The following AQR variants were observed in gnomAD, a reference collection of about 807,000 sequenced individuals.
AQR encodes RNA helicase aquarius.
A neutral mutation model predicts 180.5 loss-of-function variants in AQR; 61 were observed. That is an observed-to-expected ratio of 0.34 (90% CI 0.28 to 0.42). AQR has a LOEUF of 0.42. Among genes scored for constraint, AQR ranks in the 10% least tolerant of loss-of-function variants. AQR has a pLI of 1.00. For synonymous variants in AQR, 551 were observed against 588.8 expected, an observed-to-expected ratio of 0.94 and a Z score of 0.93; for missense variants, 1,281 against 1,798.3, an observed-to-expected ratio of 0.71 and a Z score of 5.20.
chr15:34,953,653 G>C (rs11073076), intron 3 of AQR, among the ~76,000 whole-genome samples: 100,900 of 152,122 alleles, frequency 0.66, 34,941 homozygotes, highest in South Asian at 0.78. Flanking sequence ...GCTTCTACAG[G>C]CAGCCAAGAT....
rs758868644 is a variant in AQR at position 34,948,402 on chromosome 15, C to T, written c.210-18G>A. ...GATACTGGCTGTAAAGAGTAAAAAG[C>T]ATAGAATACTTCATTAGTTACCACC... On this transcript the variant is annotated intron_variant, in intron 4 of 34. Coordinates refer to ENST00000156471, the MANE Select transcript of AQR (RefSeq NM_014691.3). 2.5e-6 allele frequency: 4 copies of T among 1,608,742 alleles called. 1 individual carries two copies. The South Asian group carries it at 4.4e-5, about 18-fold the overall frequency.
chr15:34,897,206 T>G (rs913030650), intron 21 of AQR, among the ~76,000 whole-genome samples: 5 of 152,190 alleles, frequency 3.3e-5, no homozygotes, highest in Non-Finnish European at 7.3e-5. Context: ...AGTTCTAGTT[T>G]CCATTCTAAT....
intron 3 of AQR, among the ~76,000 whole-genome samples, chr15:34,956,696 G>GAAAAAAAAAAAAAAAAAAAAAAAAAAAAA (rs565202160): frequency 1.2e-5 from 1 of 83,370 alleles, no homozygotes; most frequent in Non-Finnish European, 2.2e-5. Context: ...TAAGAAGTCA[G>GAAAAAAAAAAAAAAAAAAAAAAAAAAAAA]AAAAAAAAAA....
intron 29 of AQR, chr15:34,874,286 G>C (rs1410517624): frequency 3.1e-6 from 1 of 319,244 alleles, no homozygotes; most frequent in African/African-American, 2.2e-5. Flanking sequence ...TAAAAATTGA[G>C]GACATTTGGG....
intron 3 of AQR, among the ~76,000 whole-genome samples, chr15:34,954,900 ACTGC>A (rs558808457): frequency 1.6e-3 from 236 of 152,220 alleles, no homozygotes; most frequent in African/African-American, 5.5e-3. Flanking sequence ...AGGAGGGTGG[ACTGC>A]CTGAGCTCAG....
At position 34,874,790 on chromosome 15, in the gene AQR, A is replaced by G; in HGVS notation, c.3312T>C (p.Ile1104=). ...AGTACTTTTGAAAGGCCATGTTCTT[A>G]ATAACTGGAGGTAACTGGTGATGAT... The part of the protein sequence containing the change: ...IGDHHQLPPV[I]KNMAFQKYSN... Residue 1104 remains isoleucine, a synonymous_variant, in exon 29 of 35, where the codon ATT becomes ATC. Transcript: ENST00000156471. 1 of 1,613,944 alleles carries G rather than the reference A, an allele frequency of 6.2e-7. No individual in the cohort carries two copies. Among genetic ancestry groups the G allele is most frequent in the Non-Finnish European group, 8.5e-7 (1 of 1,179,842 alleles).
At chr15:34,946,423 A>AAGT in intron 5 of AQR, among the ~76,000 whole-genome samples, 1 of 82,998 alleles carries the variant, frequency 1.2e-5, no homozygotes, top group African/African-American at 3.4e-5. Context: ...CCCGTCCGGG[A>AAGT]GGGAGGTGGG....
intron 24 of AQR, among the ~76,000 whole-genome samples, chr15:34,889,335 A>G (rs1485247327): frequency 3.3e-5 from 5 of 152,268 alleles, no homozygotes; most frequent in Admixed American, 2.6e-4. Flanking sequence ...AACTCAAAAT[A>G]GATGCACATA....
intron 9 of AQR, among the ~76,000 whole-genome samples, chr15:34,938,528 G>A (rs1485345420): frequency 1.3e-5 from 2 of 151,998 alleles, no homozygotes; most frequent in Non-Finnish European, 2.9e-5. Context: ...GCAACACTCT[G>A]TCTCAAAAAA....
At chr15:34,874,066 T>A in intron 29 of AQR, 67 bp from the exon 30 acceptor site, 3 of 1,368,824 alleles carry the variant, frequency 2.2e-6, no homozygotes, top group Non-Finnish European at 2.9e-6. Context: ...TTAATATACA[T>A]AAGGAGGTTT....
At chr15:34,867,321 A>G (rs777185518) in intron 32 of AQR, among the ~76,000 whole-genome samples, 68 of 152,168 alleles carry the variant, frequency 4.5e-4, no homozygotes, top group Non-Finnish European at 7.6e-4. Context: ...TAAAATTACT[A>G]AAACATTTAA....
chr15:34,897,518 C>T (rs1275406070), intron 21 of AQR, 41 bp downstream of exon 21: 14 of 1,605,634 alleles, frequency 8.7e-6, no homozygotes, highest in Non-Finnish European at 1.2e-5. Flanking sequence ...AAATGGCAAA[C>T]TATTGTTCAT....
At position 34,952,802 on chromosome 15, in the gene AQR, T is replaced by C. The variant is rs191715523; in HGVS notation, c.209+83A>G. 4.4e-3 allele frequency: 4,099 copies of C among 927,716 alleles called. 13 individuals carry two copies. Among genetic ancestry groups the C allele is most frequent in the Non-Finnish European group, 6.2e-3 (3,759 of 607,456 alleles). The allele number at this position is 927,716 out of a possible 1,614,324, so 57.5% of individuals were successfully genotyped here. ...TCTTCACAAATTTAGATTTTCTTAG[T>C]GACTCACAGAAATAACACAGAAAAT... On this transcript the variant is annotated intron_variant, in intron 4 of 34. Coordinates refer to ENST00000156471, the MANE Select transcript of AQR (RefSeq NM_014691.3).
intron 27 of AQR, among the ~76,000 whole-genome samples, chr15:34,878,385 C>CCAG (rs768038496): frequency 2.4e-5 from 1 of 41,660 alleles, no homozygotes; most frequent in Non-Finnish European, 4.5e-5. Context: ...GACTCTGTCT[C>CCAG]AAAAAAAAAA....
At position 34,906,719 on chromosome 15, in the gene AQR, A is replaced by C; in HGVS notation, c.1664-7T>G. The C allele has an allele frequency of 6.2e-7, 1 of 1,600,632 alleles. No individual in the cohort carries two copies. Reference sequence around the variant, plus strand: ...ACATCATGCTTACGAAGACCTGGTAAGATATAAAGACATTTTCATTTATTA... The same window carrying C: ...ACATCATGCTTACGAAGACCTGGTACGATATAAAGACATTTTCATTTATTA... On this transcript the variant is annotated splice_region_variant and splice_polypyrimidine_tract_variant and intron_variant, in intron 17 of 34. Coordinates refer to ENST00000156471, the MANE Select transcript of AQR (RefSeq NM_014691.3).
intron 5 of AQR, among the ~76,000 whole-genome samples, chr15:34,945,078 G>A (rs1894089158): frequency 6.6e-6 from 1 of 152,072 alleles, no homozygotes; most frequent in Non-Finnish European, 1.5e-5. Context: ...TCTTTTGCCT[G>A]TTATCTAAAC....
intron 28 of AQR, 67 bp from the exon 29 acceptor site, chr15:34,874,931 A>T: frequency 7.0e-7 from 1 of 1,430,840 alleles, no homozygotes; most frequent in Non-Finnish European, 9.6e-7. Flanking sequence ...TTATTACCCG[A>T]GAGACTCAGT....
intron 13 of AQR, 151 bp downstream of exon 13, chr15:34,926,884 G>T (rs1214980293): frequency 4.9e-6 from 2 of 406,518 alleles, no homozygotes; most frequent in Non-Finnish European, 8.8e-6. Flanking sequence ...CAAACTGCTG[G>T]AGAGAAGCAC....
intron 2 of AQR, among the ~76,000 whole-genome samples, chr15:34,963,170 G>T (rs755292384): frequency 6.6e-6 from 1 of 151,682 alleles, no homozygotes; most frequent in African/African-American, 2.4e-5. Flanking sequence ...TTGTAAAGGC[G>T]AGATCTCACT....
Sources: allele counts gnomAD v4.1 joint callset (sites outside exome capture counted in the v4.1 genomes callset), GRCh38; gene constraint gnomAD v4.1.1; transcripts MANE v1.5; gene names NCBI Gene and HGNC (gene_info 2026-07-23, HGNC 2026-07-21).